Variants in FHAD1 observed in about 807,000 individuals in gnomAD.
FHAD1 encodes the protein forkhead-associated domain-containing protein 1.
FHAD1 carries 146 observed loss-of-function variants against 191.3 expected under a neutral mutation model. The observed-to-expected ratio is 0.76, with a 90% CI of 0.67 to 0.88. The LOEUF is 0.88. Ranked by LOEUF, FHAD1 falls within the 40% of genes least tolerant of loss-of-function variation. The probability of loss-of-function intolerance (pLI) is 0.00; values close to 1 mark genes in which losing one functional copy is unlikely to be tolerated. For missense variants in FHAD1, 1,635 were observed against 1,785.8 expected, an observed-to-expected ratio of 0.92 and a Z score of 1.52; for synonymous variants, 616 against 672.3, an observed-to-expected ratio of 0.92 and a Z score of 1.29.
chr1:15,243,682 G>T (rs1195662322), upstream of FHAD1, among the ~76,000 whole-genome samples: 1 of 152,252 alleles, frequency 6.6e-6, no homozygotes, highest in Non-Finnish European at 1.5e-5. Flanking sequence ...ATGTCAGCAG[G>T]TAATGTGGGT....
At position 15,397,659 on chromosome 1, in the gene FHAD1, C is replaced by T. The variant is rs75818873; in HGVS notation, c.*246C>T. 3.3e-4 allele frequency: 92 copies of T among 281,068 alleles called. No individual in the cohort carries two copies. Among genetic ancestry groups the T allele is most frequent in the African/African-American group, 1.8e-3 (83 of 46,116 alleles). The allele number at this position is 281,068 out of a possible 1,614,324, so 17.4% of individuals were successfully genotyped here. The stretch of plus-strand genomic sequence containing the variant: ...TATATGAAGAATAGAAGTGTGTAAC[C>T]CAGATGTCCAGGCCTGGTAGATATA... On this transcript the variant is annotated 3_prime_UTR_variant, in exon 34 of 34. Transcript: ENST00000688493.
chr1:15,236,925 C>T (rs545772452), intron 1 of FHAD1, among the ~76,000 whole-genome samples: 1 of 152,106 alleles, frequency 6.6e-6, no homozygotes, highest in Non-Finnish European at 1.5e-5. Context: ...GGGCGGTTAC[C>T]CTCGTGCTGT....
intron 2 of FHAD1, among the ~76,000 whole-genome samples, chr1:15,252,122 C>T (rs1646856912): frequency 6.6e-6 from 1 of 152,224 alleles, no homozygotes; most frequent in African/African-American, 2.4e-5. Flanking sequence ...ACGCATCTGT[C>T]ACTGTCCCAC....
chr1:15,252,537 G>A (rs1351664086), intron 2 of FHAD1, among the ~76,000 whole-genome samples: 5 of 152,182 alleles, frequency 3.3e-5, no homozygotes, highest in Non-Finnish European at 7.3e-5. Context: ...CTAGTCCTCA[G>A]TCTGGTCCGG....
chr1:15,316,502 G>T lies in FHAD1; in HGVS notation c.1260+35G>T. On this transcript the variant is annotated intron_variant, in intron 9 of 33. Transcript: ENST00000688493. This position sits in a 1 kb window ranked among gnomAD's most constrained non-coding sequence, Gnocchi z 4.3. Reference sequence around the variant, plus strand: ...GCTTCCTCCTTTGTAGGTACCACCAGAAAAAACAGAGTTTGACCTTGAGGT... The same window carrying T: ...GCTTCCTCCTTTGTAGGTACCACCATAAAAAACAGAGTTTGACCTTGAGGT... 6.5e-7 allele frequency: 1 copy of T among 1,532,004 alleles called. No individual in the cohort carries two copies. Among genetic ancestry groups the T allele is most frequent in the Non-Finnish European group, 8.8e-7 (1 of 1,130,686 alleles). 94.9% of individuals were successfully genotyped at this position (1,532,004 alleles called of 1,614,324 possible). A position where few individuals can be genotyped will look rare whatever the true frequency, so the allele number is the denominator to read the frequency against.
rs1249202485 is a variant in FHAD1, at chr1:15,381,842, T to C, written c.4023-186T>C. Among the ~76,000 whole-genome samples the C allele has an allele frequency of 1.3e-5, 2 of 151,732 alleles. No homozygotes were observed. Among genetic ancestry groups the C allele is most frequent in the African/African-American group, 4.8e-5 (2 of 41,354 alleles). ...CCTTTATCCCCTCCCGCTACACACATTCGGCTGATGAATGGCTCGTTCTGC... is the reference window on the plus strand; with the variant it reads ...CCTTTATCCCCTCCCGCTACACACACTCGGCTGATGAATGGCTCGTTCTGC... On this transcript the variant is annotated intron_variant, in intron 30 of 33. Transcript: ENST00000688493. The surrounding 1 kb of genome is among the most constrained non-coding windows in gnomAD (Gnocchi z 4.6).
chr1:15,262,311 T>C (rs1277202504), intron 2 of FHAD1, among the ~76,000 whole-genome samples: 1 of 152,180 alleles, frequency 6.6e-6, no homozygotes, highest in Non-Finnish European at 1.5e-5. Context: ...TCTAAGTGCT[T>C]TTTATATATA....
rs747959417 is a variant in FHAD1 at position 15,329,313 on chromosome 1, G to T, written c.1711-33G>T. The T allele has an allele frequency of 6.6e-7, 1 of 1,512,028 alleles. No individual in the cohort carries two copies. Among genetic ancestry groups the T allele is most frequent in the South Asian group, 1.2e-5 (1 of 80,270 alleles). The allele number at this position is 1,512,028 out of a possible 1,614,324, so 93.7% of individuals were successfully genotyped here. A position where few individuals can be genotyped will look rare whatever the true frequency, so the allele number is the denominator to read the frequency against. ...GTCAGGGGCTATTTCTGGCCACAGG[G>T]CCTGGGCTCCTCATGATCTCACCTC... On this transcript the variant is annotated intron_variant, in intron 13 of 33. Transcript: ENST00000688493. This position sits in a 1 kb window ranked among gnomAD's most constrained non-coding sequence, Gnocchi z 5.0.
At chr1:15,402,553 C>T (rs1324232879), downstream of FHAD1, among the ~76,000 whole-genome samples, 1 of 152,150 alleles carries the variant, frequency 6.6e-6, no homozygotes, top group Non-Finnish European at 1.5e-5. Context: ...TTCTTTGTAC[C>T]TTTCATCAGT....
At chr1:15,359,864 A>G (rs575285527) in intron 21 of FHAD1, among the ~76,000 whole-genome samples, 75 of 151,504 alleles carry the variant, frequency 5.0e-4, no homozygotes, top group Non-Finnish European at 7.1e-4. Context: ...GCAGGAGAAT[A>G]GTGTGAACCC....
At position 15,345,066 on chromosome 1, in the gene FHAD1, T is replaced by A; in HGVS notation, c.2131-17T>A. The A allele has an allele frequency of 6.5e-7, 1 of 1,534,240 alleles. No homozygotes were observed. The highest frequency in any genetic ancestry group is 8.8e-7 in the Non-Finnish European group (1 of 1,131,132). ...CATGGTAACCATGTCTGTTAAACAATGGTCATTGGTTTCCAGGCTTTGGAG... is the reference window on the plus strand; with the variant it reads ...CATGGTAACCATGTCTGTTAAACAAAGGTCATTGGTTTCCAGGCTTTGGAG... On this transcript the variant is annotated splice_polypyrimidine_tract_variant and intron_variant, in intron 16 of 33. Transcript: ENST00000688493.
chr1:15,396,173 A>G lies in FHAD1; in HGVS notation c.4324-1124A>G, dbSNP rs538732374. ...AAAAGTAAAATAAAATAAAATAATTAGTTGGGCATAGTGGTGCACACCTAT... is the reference window on the plus strand; with the variant it reads ...AAAAGTAAAATAAAATAAAATAATTGGTTGGGCATAGTGGTGCACACCTAT... On this transcript the variant is annotated intron_variant, in intron 33 of 33. Coordinates refer to ENST00000688493, the MANE Select transcript of FHAD1 (RefSeq NM_001391957.1). 3.2e-4 allele frequency among the ~76,000 whole-genome samples: 49 copies of G among 152,256 alleles called. 1 individual carries two copies. The highest frequency in any genetic ancestry group is 1.1e-3 in the African/African-American group (45 of 41,552).
intron 6 of FHAD1, among the ~76,000 whole-genome samples, chr1:15,307,751 G>A (rs1036601016): frequency 7.4e-5 from 11 of 149,352 alleles, no homozygotes; most frequent in Admixed American, 6.7e-5. Context: ...TTTTTTTGGA[G>A]ACGGAGTCTC....
At chr1:15,378,132 C>T (rs1243720188) in intron 28 of FHAD1, among the ~76,000 whole-genome samples, 2 of 152,178 alleles carry the variant, frequency 1.3e-5, no homozygotes, top group African/African-American at 2.4e-5. Context: ...GGCAATACCC[C>T]GTCTCTGCTA....
At position 15,374,534 on chromosome 1, in the gene FHAD1, C is replaced by T. The variant is rs368224292; in HGVS notation, c.3480C>T (p.Cys1160=). Residue 1160 remains cysteine, a synonymous_variant, in exon 27 of 34, where the codon TGC becomes TGT. Transcript: ENST00000688493. ...CCTTCAGCGATCTAGGGGTCAGGTGCAAAGGGTCCCGGCACGAGGAGGTCA... is the reference window on the plus strand; with the variant it reads ...CCTTCAGCGATCTAGGGGTCAGGTGTAAAGGGTCCCGGCACGAGGAGGTCA... ...QQSFSDLGVR[C]KGSRHEEVIQ... is the part of the protein sequence containing the mutation. The T allele has an allele frequency of 1.9e-6, 3 of 1,551,782 alleles. No homozygotes were observed. Among genetic ancestry groups the T allele is most frequent in the Non-Finnish European group, 2.6e-6 (3 of 1,147,014 alleles).
chr1:15,338,572 C>A (rs1685212636), intron 14 of FHAD1, among the ~76,000 whole-genome samples: 1 of 152,174 alleles, frequency 6.6e-6, no homozygotes, highest in African/African-American at 2.4e-5. Flanking sequence ...ACGGTCACAC[C>A]CACAGGTTCC....
At chr1:15,340,353 G>A (rs1463217116) in intron 15 of FHAD1, among the ~76,000 whole-genome samples, 1 of 152,122 alleles carries the variant, frequency 6.6e-6, no homozygotes. Context: ...ACGTGTCTGG[G>A]GTCAGTGGCA....
intron 28 of FHAD1, among the ~76,000 whole-genome samples, chr1:15,377,602 C>T (rs1006277218): frequency 1.3e-5 from 2 of 152,152 alleles, no homozygotes; most frequent in African/African-American, 4.8e-5. Flanking sequence ...CTTTGGGAGG[C>T]CAAGGCGGGC....
intron 4 of FHAD1, 152 bp from the exon 5 acceptor site, chr1:15,296,532 C>T (rs1256159560): frequency 1.8e-5 from 13 of 734,700 alleles, no homozygotes; most frequent in Middle Eastern, 2.4e-4. Context: ...GGATTACAGG[C>T]GTGAGCCACA....
Sources: allele counts gnomAD v4.1 joint callset (sites outside exome capture counted in the v4.1 genomes callset), GRCh38; gene constraint gnomAD v4.1.1; non-coding constraint Gnocchi (gnomAD v3.1); transcripts MANE v1.5; gene names NCBI Gene and HGNC (gene_info 2026-07-23, HGNC 2026-07-21).